Variants in CSMD1 observed in about 807,000 individuals in gnomAD.
The protein encoded by CSMD1 is CUB and sushi domain-containing protein 1.
A neutral mutation model predicts 417.5 loss-of-function variants in CSMD1; 213 were observed. That is an observed-to-expected ratio of 0.51 (90% CI 0.46 to 0.57). The LOEUF (loss-of-function observed/expected upper bound fraction) is 0.57, where lower values mean the gene tolerates loss of function less well. CSMD1 is among the 20% of genes least tolerant of loss of function. The pLI is 0.00. For synonymous variants in CSMD1, 2,862 were observed against 1,736.8 expected, an observed-to-expected ratio of 1.65 and a Z score of -16.11; for missense variants, 6,923 against 4,529.7, an observed-to-expected ratio of 1.53 and a Z score of -15.17.
intron 7 of CSMD1, among the ~76,000 whole-genome samples, chr8:3,621,402 G>A (rs919174462): frequency 6.6e-6 from 1 of 152,122 alleles, no homozygotes; most frequent in Non-Finnish European, 1.5e-5. Flanking sequence ...CAGAGAGCCA[G>A]AAAGTAGAAT....
intron 8 of CSMD1, among the ~76,000 whole-genome samples, chr8:3,613,720 C>G (rs1302374840): frequency 8.8e-6 from 1 of 113,172 alleles, no homozygotes; most frequent in African/African-American, 3.3e-5. Context: ...CACACACACA[C>G]ACACACACAC....
At chr8:4,627,361 T>G (rs1802179926) in intron 2 of CSMD1, among the ~76,000 whole-genome samples, 1 of 152,154 alleles carries the variant, frequency 6.6e-6, no homozygotes, top group African/African-American at 2.4e-5. Flanking sequence ...GGGAAACTAT[T>G]TATAGCTCTT....
intron 3 of CSMD1, among the ~76,000 whole-genome samples, chr8:4,351,799 A>C (rs977662563): frequency 1.3e-5 from 2 of 152,204 alleles, no homozygotes; most frequent in African/African-American, 4.8e-5. Context: ...CTTGGAATCC[A>C]GCATCTCAAA....
intron 1 of CSMD1, among the ~76,000 whole-genome samples, chr8:4,715,295 T>C (rs1230230925): frequency 1.3e-5 from 2 of 152,224 alleles, no homozygotes; most frequent in Non-Finnish European, 2.9e-5. Context: ...TTAAAGCTAA[T>C]TTGACATGAT....
intron 3 of CSMD1, among the ~76,000 whole-genome samples, chr8:4,057,561 G>C (rs935738935): frequency 4.0e-5 from 6 of 151,868 alleles, no homozygotes; most frequent in Non-Finnish European, 5.9e-5. Context: ...GTCAATTTTG[G>C]CTTTTGTTGC....
At chr8:3,957,620 G>T (rs964888257) in intron 5 of CSMD1, among the ~76,000 whole-genome samples, 11 of 152,102 alleles carry the variant, frequency 7.2e-5, no homozygotes, top group African/African-American at 1.4e-4. Flanking sequence ...GGAGTTCGGG[G>T]TTGCAGTGAA....
At chr8:4,916,557 C>T (rs1379520100) in intron 1 of CSMD1, among the ~76,000 whole-genome samples, 1 of 152,190 alleles carries the variant, frequency 6.6e-6, no homozygotes, top group Admixed American at 6.5e-5. Flanking sequence ...GCACGTGGCA[C>T]TCAAATACTG....
rs1041664364 is a variant in CSMD1 at position 4,147,672 on chromosome 8, C to A, written c.416-115573G>T. Reference sequence around the variant, plus strand: ...TCTGAGTGCTGGCTCATGGGAACCCCATTCTTTGAAATATCTGACATCACC... The same window carrying A: ...TCTGAGTGCTGGCTCATGGGAACCCAATTCTTTGAAATATCTGACATCACC... On this transcript the variant is annotated intron_variant, in intron 3 of 69. Coordinates refer to ENST00000635120, the MANE Select transcript of CSMD1 (RefSeq NM_033225.6). Among the ~76,000 whole-genome samples the A allele has an allele frequency of 2.0e-5, 3 of 152,100 alleles. No individual in the cohort carries two copies. In the East Asian group the frequency reaches 5.8e-4, roughly 29 times the overall value.
In CSMD1 at chr8:3,520,727, T is replaced by C. The variant is rs537179853; in HGVS notation, c.1345-27001A>G. The stretch of plus-strand genomic sequence containing the variant: ...GCTTGTTGCATGGCTGCCCACCTTT[T>C]TTTGTGTGTATATCCTACAATGACA... On this transcript the variant is annotated intron_variant, in intron 10 of 69. Coordinates refer to ENST00000635120, the MANE Select transcript of CSMD1 (RefSeq NM_033225.6). Among the ~76,000 whole-genome samples the C allele has an allele frequency of 2.0e-3, 300 of 152,162 alleles. 1 individual carries two copies. Among genetic ancestry groups the C allele is most frequent in the Middle Eastern group, 6.8e-3 (2 of 294 alleles).
intron 1 of CSMD1, among the ~76,000 whole-genome samples, chr8:4,849,866 T>A (rs995454121): frequency 6.6e-6 from 1 of 152,232 alleles, no homozygotes; most frequent in African/African-American, 2.4e-5. Context: ...TAACTGTATA[T>A]GTTTTCATTG....
chr8:3,275,133 A>T (rs904778877), intron 26 of CSMD1, among the ~76,000 whole-genome samples: 1 of 152,158 alleles, frequency 6.6e-6, no homozygotes, highest in East Asian at 1.9e-4. Flanking sequence ...GGTAGTGACA[A>T]AATCTCTCAG....
intron 5 of CSMD1, among the ~76,000 whole-genome samples, chr8:3,846,309 C>A (rs892324132): frequency 6.6e-6 from 1 of 152,178 alleles, no homozygotes; most frequent in Non-Finnish European, 1.5e-5. Context: ...ATTCCAGCTC[C>A]ATGAGAATCT....
intron 5 of CSMD1, among the ~76,000 whole-genome samples, chr8:3,886,939 T>C (rs1044699172): frequency 2.0e-5 from 3 of 152,188 alleles, no homozygotes; most frequent in South Asian, 2.1e-4. Context: ...TCAGGTCATT[T>C]TTCAGTGAAA....
chr8:3,073,019 C>T (rs1216847704), intron 49 of CSMD1, among the ~76,000 whole-genome samples: 1 of 152,148 alleles, frequency 6.6e-6, no homozygotes, highest in African/African-American at 2.4e-5. Flanking sequence ...ATTTTTTCCA[C>T]TCTTTTTTGT....
Position 3,175,515 on chromosome 8 carries a change from T to G in CSMD1, c.5725+5595A>C, listed in dbSNP as rs372878131. ...TGCCTGCCTGCCTGCCTGCCTTTTTTCCTTCCTTCCTTCCTTCCTTCTTCC... is the reference window on the plus strand; with the variant it reads ...TGCCTGCCTGCCTGCCTGCCTTTTTGCCTTCCTTCCTTCCTTCCTTCTTCC... On this transcript the variant is annotated intron_variant, in intron 37 of 69. Coordinates refer to ENST00000635120, the MANE Select transcript of CSMD1 (RefSeq NM_033225.6). Among the ~76,000 whole-genome samples the G allele has an allele frequency of 4.1e-3, 307 of 75,660 alleles. 3 individuals are homozygous for G. The highest frequency in any genetic ancestry group is 5.8e-3 in the Non-Finnish European group (173 of 29,874). The allele number at this position is 75,660 out of a possible 152,430, so 49.6% of individuals were successfully genotyped here.
intron 1 of CSMD1, among the ~76,000 whole-genome samples, chr8:4,651,839 G>A (rs1464059261): frequency 6.6e-6 from 1 of 152,198 alleles, no homozygotes; most frequent in Non-Finnish European, 1.5e-5. Context: ...GAGCTCATTG[G>A]AATTAAAGGA....
intron 5 of CSMD1, among the ~76,000 whole-genome samples, chr8:3,771,503 AAC>A (rs1798574005): frequency 6.6e-6 from 1 of 152,128 alleles, no homozygotes; most frequent in Admixed American, 6.6e-5. Context: ...TCGAACACAC[AAC>A]AGTTTGGAGC....
intron 2 of CSMD1, among the ~76,000 whole-genome samples, chr8:4,438,985 G>A (rs1012023748): frequency 6.6e-6 from 1 of 152,148 alleles, no homozygotes; most frequent in African/African-American, 2.4e-5. Context: ...ATCAGTCCTA[G>A]ACGTTTGGGG....
rs369930929 is a variant in CSMD1 at position 3,281,547 on chromosome 8, G to T, written c.4153+2597C>A. On this transcript the variant is annotated intron_variant, in intron 26 of 69. Transcript: ENST00000635120. ...ACAGCCATGAAAAGACCTGGAGCTTGAAAGTGTCTTACTAAGTGAAAGAAG... is the reference window on the plus strand; with the variant it reads ...ACAGCCATGAAAAGACCTGGAGCTTTAAAGTGTCTTACTAAGTGAAAGAAG... Among the ~76,000 whole-genome samples the T allele has an allele frequency of 9.2e-5, 14 of 152,168 alleles. No homozygotes were observed. The East Asian group carries it at 2.7e-3, about 29-fold the overall frequency.
Sources: gnomAD v4.1 joint callset for allele counts (sites outside exome capture counted in the v4.1 genomes callset) on GRCh38, gnomAD v4.1.1 for gene constraint, MANE v1.5 for transcripts, NCBI Gene and HGNC (gene_info 2026-07-23, HGNC 2026-07-21) for gene names.